PIK3CB: variants seen among roughly 807,000 people sequenced by gnomAD.
The protein encoded by PIK3CB is phosphatidylinositol 4,5-bisphosphate 3-kinase catalytic subunit beta isoform.
PIK3CB carries 39 observed loss-of-function variants against 136.8 expected under a neutral mutation model. That is an observed-to-expected ratio of 0.29 (90% CI 0.22 to 0.37). The LOEUF (loss-of-function observed/expected upper bound fraction) is 0.37, where lower values mean the gene tolerates loss of function less well. Ranked by LOEUF, PIK3CB falls within the 10% of genes least tolerant of loss-of-function variation. The pLI, the probability that PIK3CB is intolerant of heterozygous loss-of-function variation, is 1.00. For missense variants in PIK3CB, 868 were observed against 1,275.4 expected (o/e 0.68, Z 4.87); for synonymous variants, 428 against 436.6 (o/e 0.98, Z 0.25).
At chr3:138,818,919 T>A (rs1457037792) in intron 1 of PIK3CB, among the ~76,000 whole-genome samples, 4 of 152,190 alleles carry the variant, frequency 2.6e-5, no homozygotes, top group Admixed American at 2.6e-4. Flanking sequence ...ATTATATATA[T>A]GCTAATGGTA....
intron 1 of PIK3CB, among the ~76,000 whole-genome samples, chr3:138,827,580 GGT>G (rs1271205700): frequency 6.6e-6 from 1 of 151,798 alleles, no homozygotes; most frequent in Admixed American, 6.6e-5. Flanking sequence ...TTAGGAGGCC[GGT>G]GCAGGAGGAT....
intron 4 of PIK3CB, among the ~76,000 whole-genome samples, chr3:138,752,487 C>T (rs1057221938): frequency 5.3e-5 from 8 of 152,232 alleles, no homozygotes; most frequent in Middle Eastern, 3.4e-3. Flanking sequence ...AAATACACAA[C>T]TTACTCAATT....
chr3:138,781,704 C>T lies in PIK3CB; in HGVS notation c.-17+14759G>A, dbSNP rs563293320. On this transcript the variant is annotated intron_variant, in intron 2 of 23. Coordinates refer to ENST00000674063, the MANE Select transcript of PIK3CB (RefSeq NM_006219.3). Reference sequence around the variant, plus strand: ...TCCTGACCTCAGGTGATCTGCCCGCCTCGGCCTCGCAAAGTGCTGGGATTA... The same window carrying T: ...TCCTGACCTCAGGTGATCTGCCCGCTTCGGCCTCGCAAAGTGCTGGGATTA... Among the ~76,000 whole-genome samples, 179 of 152,270 alleles carry T rather than the reference C, an allele frequency of 1.2e-3. 1 individual carries two copies. The highest frequency in any genetic ancestry group is 2.2e-3 in the Non-Finnish European group (151 of 68,024).
chr3:138,693,978 A>G (rs1326550463), intron 14 of PIK3CB, among the ~76,000 whole-genome samples: 1 of 102,958 alleles, frequency 9.7e-6, no homozygotes, highest in Admixed American at 9.9e-5. Context: ...ATATATATAT[A>G]TATATATATA....
chr3:138,762,529 C>A (rs532958777), intron 2 of PIK3CB, among the ~76,000 whole-genome samples: 99 of 152,326 alleles, frequency 6.5e-4, no homozygotes, highest in African/African-American at 2.2e-3. Flanking sequence ...GTTATTAAGG[C>A]ACTAGTCCTA....
In PIK3CB at chr3:138,707,264, T is replaced by G; in HGVS notation, c.1425A>C (p.Pro475=). The change falls in exon 11 of 24, where the codon CCA becomes CCC. Residue 475 remains proline, a synonymous_variant. Transcript: ENST00000674063. ...FPDELEEMLN[P]MGTVQTNPYT... is the part of the protein sequence containing the mutation. ...ATGGATTTGTTTGAACAGTTCCCAT[T>G]GGATTCAACATTTCTTCGAGTTCAT... 2 of 1,603,398 alleles carry G rather than the reference T, an allele frequency of 1.2e-6. No homozygotes were observed. The highest frequency in any genetic ancestry group is 1.7e-5 in the Admixed American group (1 of 57,518).
At chr3:138,833,112 G>T (rs1489433926) in intron 1 of PIK3CB, among the ~76,000 whole-genome samples, 1 of 150,370 alleles carries the variant, frequency 6.7e-6, no homozygotes, top group Non-Finnish European at 1.5e-5. Context: ...TGTTGCCCAG[G>T]CTGGAGTCCA....
chr3:138,819,622 T>C (rs1933471724), intron 1 of PIK3CB, among the ~76,000 whole-genome samples: 1 of 152,180 alleles, frequency 6.6e-6, no homozygotes, highest in Admixed American at 6.5e-5. Flanking sequence ...TGCCGAGGTA[T>C]CATCTCAAAG....
chr3:138,827,552 A>G (rs1475327427), intron 1 of PIK3CB, among the ~76,000 whole-genome samples: 1 of 151,780 alleles, frequency 6.6e-6, no homozygotes, highest in Non-Finnish European at 1.5e-5. Flanking sequence ...ATATGCCTAT[A>G]GTACTATTAA....
At chr3:138,722,129 GTTTT>G (rs57765444) in intron 8 of PIK3CB, among the ~76,000 whole-genome samples, 8 of 128,674 alleles carry the variant, frequency 6.2e-5, no homozygotes, top group African/African-American at 1.5e-4. Flanking sequence ...GCTACTGGGT[GTTTT>G]TTTTTTTTTT....
intron 8 of PIK3CB, among the ~76,000 whole-genome samples, chr3:138,716,261 T>TG (rs2044604472): frequency 6.6e-6 from 1 of 152,146 alleles, no homozygotes; most frequent in African/African-American, 2.4e-5. Flanking sequence ...TCAAGTCCCC[T>TG]GGTCCCATAT....
At chr3:138,660,866 A>G (rs2043283696) in intron 21 of PIK3CB, among the ~76,000 whole-genome samples, 1 of 152,218 alleles carries the variant, frequency 6.6e-6, no homozygotes, top group Admixed American at 6.5e-5. Flanking sequence ...GACCATTCAT[A>G]TTTAACAATG....
rs758541496 is a variant in PIK3CB at position 138,733,475 on chromosome 3, G to C, written c.973-37C>G. The C allele has an allele frequency of 7.9e-6, 8 of 1,015,732 alleles. No individual in the cohort carries two copies. The South Asian group carries it at 1.1e-4, about 14-fold the overall frequency. The allele number at this position is 1,015,732 out of a possible 1,614,324, so 62.9% of individuals were successfully genotyped here. A position where few individuals can be genotyped will look rare whatever the true frequency, so the allele number is the denominator to read the frequency against. Reference sequence around the variant, plus strand: ...TAAAATAAATACAAATTATTTTAATGAAAGAAATGAATATTCTATGCTAGC... The same window carrying C: ...TAAAATAAATACAAATTATTTTAATCAAAGAAATGAATATTCTATGCTAGC... On this transcript the variant is annotated intron_variant, in intron 7 of 23. Coordinates refer to ENST00000674063, the MANE Select transcript of PIK3CB (RefSeq NM_006219.3).
At chr3:138,699,490 A>G (rs2044204176) in intron 12 of PIK3CB, among the ~76,000 whole-genome samples, 1 of 152,116 alleles carries the variant, frequency 6.6e-6, no homozygotes, top group Non-Finnish European at 1.5e-5. Flanking sequence ...GTCTTTACAA[A>G]AAATACAAAA....
chr3:138,750,924 C>T lies in PIK3CB; in HGVS notation c.397+4830G>A, dbSNP rs529909306. Among the ~76,000 whole-genome samples, 17 of 152,284 alleles carry T rather than the reference C, an allele frequency of 1.1e-4. No homozygotes were observed. The South Asian group carries it at 2.9e-3, about 26-fold the overall frequency. On this transcript the variant is annotated intron_variant, in intron 4 of 23. Transcript: ENST00000674063. ...GTCTAAGCAGAGACCATATCACCCA[C>T]GGTCACTGGTAAAATTTCAAGTATA...
At chr3:138,734,330 A>G (rs1388696658) in intron 7 of PIK3CB, among the ~76,000 whole-genome samples, 3 of 152,228 alleles carry the variant, frequency 2.0e-5, no homozygotes, top group Non-Finnish European at 4.4e-5. Flanking sequence ...CTTTTCTACT[A>G]GGATGTCTCC....
At chr3:138,720,067 T>C (rs1380154834) in intron 8 of PIK3CB, among the ~76,000 whole-genome samples, 1 of 152,226 alleles carries the variant, frequency 6.6e-6, no homozygotes, top group East Asian at 1.9e-4. Context: ...CTTTCCAAGA[T>C]GTGAAGACGA....
In PIK3CB at chr3:138,688,725, G is replaced by A. The variant is rs2043947284; in HGVS notation, c.2136+150C>T. The A allele has an allele frequency of 2.5e-5, 14 of 552,378 alleles. No homozygotes were observed. The South Asian group carries it at 3.7e-4, about 14-fold the overall frequency. 34.2% of individuals were successfully genotyped at this position (552,378 alleles called of 1,614,324 possible). On this transcript the variant is annotated intron_variant, in intron 16 of 23. Coordinates refer to ENST00000674063, the MANE Select transcript of PIK3CB (RefSeq NM_006219.3). ...GGTTGTCTGTTACTGAGACTTCTAT[G>A]AAATAATGTGGTGGGAGAAATGGCA...
chr3:138,738,939 C>G (rs893168855), intron 5 of PIK3CB, among the ~76,000 whole-genome samples: 1 of 152,178 alleles, frequency 6.6e-6, no homozygotes, highest in Non-Finnish European at 1.5e-5. Flanking sequence ...ACTAAACTTA[C>G]TATTTCACAT....
Sources: allele counts gnomAD v4.1 joint callset (sites outside exome capture counted in the v4.1 genomes callset), GRCh38; gene constraint gnomAD v4.1.1; transcripts MANE v1.5; gene names NCBI Gene and HGNC (gene_info 2026-07-23, HGNC 2026-07-21).